Variants in VCAN observed in about 807,000 individuals in gnomAD.
VCAN encodes the protein versican, also known as versican core protein.
In VCAN, 44 loss-of-function variants were observed where a neutral mutation model predicts 245.5. The observed-to-expected ratio is 0.18, with a 90% CI of 0.14 to 0.23. VCAN has a LOEUF of 0.23. Among genes scored for constraint, VCAN ranks in the 10% least tolerant of loss-of-function variants. The pLI is 1.00. For missense variants in VCAN, 3,793 were observed against 4,057.9 expected, an observed-to-expected ratio of 0.93 and a Z score of 1.77; for synonymous variants, 1,413 against 1,437.0, an observed-to-expected ratio of 0.98 and a Z score of 0.38.
At chr5:83,530,226 A>AT (rs142066296) in intron 7 of VCAN, among the ~76,000 whole-genome samples, 8,450 of 152,084 alleles carry the variant, frequency 0.056, 447 homozygotes, top group East Asian at 0.15. Context: ...TACCAATTTA[A>AT]TTTTTTTCTC....
intron 7 of VCAN, among the ~76,000 whole-genome samples, chr5:83,532,258 C>T (rs573898717): frequency 2.6e-5 from 4 of 151,862 alleles, no homozygotes; most frequent in African/African-American, 9.7e-5. Context: ...GAGGTGGTGA[C>T]AGGAAATGGG....
In VCAN at chr5:83,538,255, T is replaced by G; in HGVS notation, c.5252T>G (p.Ile1751Ser). 6.2e-7 allele frequency: 1 copy of G among 1,614,016 alleles called. No individual in the cohort carries two copies. The highest frequency in any genetic ancestry group is 8.5e-7 in the Non-Finnish European group (1 of 1,179,962). Residue 1751 changes from isoleucine to serine, a missense_variant, in exon 8 of 15, where the codon ATT becomes AGT. By Grantham distance (142) the Ile-to-Ser change is moderately radical. This residue lies in a region of VCAN where 3,182 missense variants were observed against 3,250.3 expected (regional missense o/e 0.98). Coordinates refer to ENST00000265077, the MANE Select transcript of VCAN (RefSeq NM_004385.5). ...YSSTQRSDQL[I>S]LPFELESPNV... ...TCTACACAGAGATCGGATCAATTAA[T>G]TTTACCCTTTGAATTAGAAAGTCCA...
At chr5:83,553,548 C>G (rs1307333477) in intron 11 of VCAN, 26 bp downstream of exon 11, 1 of 1,613,708 alleles carries the variant, frequency 6.2e-7, no homozygotes, top group South Asian at 1.1e-5. Flanking sequence ...ATACGAGTTT[C>G]CAGGAACTTC....
At chr5:83,559,063 C>G (rs912553976) in intron 12 of VCAN, among the ~76,000 whole-genome samples, 4 of 152,156 alleles carry the variant, frequency 2.6e-5, no homozygotes, top group African/African-American at 9.7e-5. Context: ...AATGTGCCTA[C>G]TGCTTTATTG....
At chr5:83,472,442 T>C (rs561752382) in intron 1 of VCAN, among the ~76,000 whole-genome samples, 3 of 152,290 alleles carry the variant, frequency 2.0e-5, no homozygotes, top group Non-Finnish European at 2.9e-5. Context: ...GAATGGGGAC[T>C]ACCAAGACTT....
chr5:83,515,572 A>G (rs1325153588), intron 6 of VCAN, among the ~76,000 whole-genome samples: 6 of 137,562 alleles, frequency 4.4e-5, no homozygotes, highest in Non-Finnish European at 8.8e-5. Flanking sequence ...TCCAACTGAA[A>G]CAGTTTTCTT....
At chr5:83,576,862 G>A (rs186884062) in intron 13 of VCAN, among the ~76,000 whole-genome samples, 16 of 152,074 alleles carry the variant, frequency 1.1e-4, no homozygotes, top group African/African-American at 3.6e-4. Flanking sequence ...TTGAAGCTCT[G>A]CTTTTGTAAA....
At chr5:83,500,453 A>G (rs1295827831) in intron 5 of VCAN, among the ~76,000 whole-genome samples, 1 of 152,200 alleles carries the variant, frequency 6.6e-6, no homozygotes, top group Non-Finnish European at 1.5e-5. Context: ...GTCCTTATAC[A>G]GTGTAGTGAC....
intron 12 of VCAN, among the ~76,000 whole-genome samples, chr5:83,556,379 C>T (rs1316859082): frequency 2.6e-5 from 4 of 152,140 alleles, no homozygotes; most frequent in Admixed American, 6.6e-5. Flanking sequence ...GTTACATTTT[C>T]GCTTTGAGCA....
chr5:83,540,686 T>A lies in VCAN; in HGVS notation c.7683T>A (p.Ser2561Arg). Residue 2561 changes from serine to arginine, a missense_variant, in exon 8 of 15, where the codon AGT (serine) becomes AGA (arginine). Physicochemically the swap from Ser to Arg is moderately radical, Grantham distance 110 (BLOSUM62 -1). This residue lies in a region of VCAN where 3,182 missense variants were observed against 3,250.3 expected (regional missense o/e 0.98). Transcript: ENST00000265077. ...DKDLILTITE[S>R]TILEILPELT... ...ATTTAATATTGACAATTACAGAGAG[T>A]ACCATCCTTGAAATTCTACCTGAGC... 1 of 1,613,760 alleles carries A rather than the reference T, an allele frequency of 6.2e-7. No individual in the cohort carries two copies. Among genetic ancestry groups the A allele is most frequent in the South Asian group, 1.1e-5 (1 of 91,068 alleles).
chr5:83,537,930 G>A lies in VCAN; in HGVS notation c.4927G>A (p.Gly1643Arg). Reference sequence around the variant, plus strand: ...TTCGATTCCAATTACAGAAGGCTCTGGAGAAGCAGAAGAAGATGAAGATAC... The same window carrying A: ...TTCGATTCCAATTACAGAAGGCTCTAGAGAAGCAGAAGAAGATGAAGATAC... ...SSSIPITEGS[G>R]EAEEDEDTMF... Residue 1643 changes from glycine to arginine, a missense_variant, in exon 8 of 15, where the codon GGA becomes AGA. This residue lies in a region of VCAN where 3,182 missense variants were observed against 3,250.3 expected (regional missense o/e 0.98). Transcript: ENST00000265077. The A allele has an allele frequency of 6.2e-7, 1 of 1,613,912 alleles. No homozygotes were observed. The highest frequency in any genetic ancestry group is 8.5e-7 in the Non-Finnish European group (1 of 1,179,950).
Position 83,471,798 on chromosome 5 carries a change from C to T in VCAN, c.-232C>T, listed in dbSNP as rs1215219469. 3 of 398,702 alleles carry T rather than the reference C, an allele frequency of 7.5e-6. No individual in the cohort carries two copies. The highest frequency in any genetic ancestry group is 1.3e-5 in the Non-Finnish European group (3 of 226,248). The allele number at this position is 398,702 out of a possible 1,614,324, so 24.7% of individuals were successfully genotyped here. A position where few individuals can be genotyped will look rare whatever the true frequency, so the allele number is the denominator to read the frequency against. Reference sequence around the variant, plus strand: ...AGCCTTTCTGGGGAAGAACTCCAGGCGTGCGGACGCAACAGCCGAGAACAT... The same window carrying T: ...AGCCTTTCTGGGGAAGAACTCCAGGTGTGCGGACGCAACAGCCGAGAACAT... On this transcript the variant is annotated 5_prime_UTR_variant, in exon 1 of 15. Transcript: ENST00000265077.
Position 83,537,804 on chromosome 5 carries a change from G to T in VCAN, c.4801G>T (p.Val1601Phe), listed in dbSNP as rs1456341938. The change falls in exon 8 of 15, where the codon GTT becomes TTT. Residue 1601 changes from valine to phenylalanine, a missense_variant. Physicochemically the swap from Val to Phe is conservative, Grantham distance 50. This residue lies in a region of VCAN where 3,182 missense variants were observed against 3,250.3 expected (regional missense o/e 0.98). Coordinates refer to ENST00000265077, the MANE Select transcript of VCAN (RefSeq NM_004385.5). ...ASAYVSEEEA[V>F]TLIGNPWPDD... is the part of the protein sequence containing the mutation. ...AGCATATGTTTCAGAGGAAGAAGCA[G>T]TTACCCTAATAGGAAATCCTTGGCC... 3.7e-6 allele frequency: 6 copies of T among 1,613,904 alleles called. No individual in the cohort carries two copies. In the African/African-American group the frequency reaches 5.3e-5, roughly 14 times the overall value.
At chr5:83,545,714 A>T in intron 9 of VCAN, 64 bp downstream of exon 9, 1 of 1,219,148 alleles carries the variant, frequency 8.2e-7, no homozygotes, top group Non-Finnish European at 1.2e-6. Context: ...GGGAGAATTT[A>T]TGTTGTCGAA....
chr5:83,502,126 T>C (rs532278663), intron 5 of VCAN, among the ~76,000 whole-genome samples: 1 of 152,184 alleles, frequency 6.6e-6, no homozygotes, highest in Non-Finnish European at 1.5e-5. Flanking sequence ...TTTTTATATA[T>C]AGGTCTTGTA....
chr5:83,521,489 A>G lies in VCAN; in HGVS notation c.3183A>G (p.Thr1061=), dbSNP rs778751207. ...STAWTPKEAV[T]PLDEQEGDGS... is the part of the protein sequence containing the mutation. ...CTTGGACTCCCAAGGAGGCAGTAAC[A>G]CCACTGGATGAACAAGAGGGCGATG... The change falls in exon 7 of 15, where the codon ACA becomes ACG. Residue 1061 remains threonine (T), a synonymous_variant. Coordinates refer to ENST00000265077, the MANE Select transcript of VCAN (RefSeq NM_004385.5). 1.9e-6 allele frequency: 3 copies of G among 1,614,088 alleles called. No homozygotes were observed. In the South Asian group the frequency reaches 3.3e-5, roughly 18 times the overall value.
intron 5 of VCAN, among the ~76,000 whole-genome samples, chr5:83,495,494 T>C (rs1475343330): frequency 1.3e-5 from 2 of 152,342 alleles, no homozygotes; most frequent in Non-Finnish European, 2.9e-5. Context: ...ACATCCAAGC[T>C]ATGGTTGAAA....
intron 12 of VCAN, chr5:83,562,430 G>GT (rs1380921426): frequency 6.6e-6 from 1 of 152,094 alleles, no homozygotes. Flanking sequence ...TTGTCTTTCA[G>GT]TTCAGATAGC....
Position 83,538,393 on chromosome 5 carries a change from A to C in VCAN, c.5390A>C (p.Asn1797Thr). The C allele has an allele frequency of 6.2e-7, 1 of 1,613,978 alleles. No homozygotes were observed. The highest frequency in any genetic ancestry group is 8.5e-7 in the Non-Finnish European group (1 of 1,179,950). Residue 1797 changes from asparagine to threonine, a missense_variant, in exon 8 of 15, where the codon AAT becomes ACT. Coordinates refer to ENST00000265077, the MANE Select transcript of VCAN (RefSeq NM_004385.5). Reference protein sequence around the residue: ...TDSTPVFTETNTLENLGAQTT... With the variant: ...TDSTPVFTETTTLENLGAQTT... ...TCTACTCCTGTCTTTACAGAAACAA[A>C]TACATTAGAAAATTTGGGGGCACAG...
Sources: gnomAD v4.1 joint callset for allele counts (sites outside exome capture counted in the v4.1 genomes callset) on GRCh38, gnomAD v4.1.1 for gene constraint, gnomAD v4.1.1 regional missense constraint, MANE v1.5 for transcripts, NCBI Gene and HGNC (gene_info 2026-07-23, HGNC 2026-07-21) for gene names.